Variants in FANCD2 observed in about 807,000 individuals in gnomAD.
FANCD2 encodes the protein Fanconi anemia group D2 protein.
A neutral mutation model predicts 192.3 loss-of-function variants in FANCD2; 131 were observed. That is an observed-to-expected ratio of 0.68 (90% confidence interval 0.59 to 0.79). The LOEUF is 0.79. Ranked by LOEUF, FANCD2 falls within the 30% of genes least tolerant of loss-of-function variation. The pLI, the probability that FANCD2 is intolerant of heterozygous loss-of-function variation, is 0.00. For synonymous variants in FANCD2, 524 were observed against 612.5 expected (o/e 0.86, Z 2.13); for missense variants, 1,508 against 1,701.6 (o/e 0.89, Z 2.00).
At chr3:10,086,617 G>A (rs1559403223) in intron 33 of FANCD2, among the ~76,000 whole-genome samples, 1 of 152,102 alleles carries the variant, frequency 6.6e-6, no homozygotes, top group Non-Finnish European at 1.5e-5. Flanking sequence ...AAGACGCTGG[G>A]ATTACAGGCG....
At chr3:10,069,459 G>GGCTCCCCCCCC in intron 26 of FANCD2, among the ~76,000 whole-genome samples, 1 of 129,432 alleles carries the variant, frequency 7.7e-6, no homozygotes, top group Non-Finnish European at 1.5e-5. Context: ...TAGTTAAGAT[G>GGCTCCCCCCCC]CCTCTCCCCC....
At chr3:10,054,308 A>G (rs2087308383) in intron 18 of FANCD2, among the ~76,000 whole-genome samples, 1 of 147,066 alleles carries the variant, frequency 6.8e-6, no homozygotes, top group African/African-American at 2.5e-5. Context: ...GCAGTAATTC[A>G]TACTGGACTG....
intron 10 of FANCD2, among the ~76,000 whole-genome samples, chr3:10,042,317 T>A (rs2086886128): frequency 6.6e-6 from 1 of 152,220 alleles, no homozygotes; most frequent in Non-Finnish European, 1.5e-5. Context: ...GAATTTAGGC[T>A]CTAAATGTAA....
Position 10,101,224 on chromosome 3 carries a change from G to A in FANCD2, c.4318G>A (p.Glu1440Lys). The A allele has an allele frequency of 6.2e-7, 1 of 1,613,530 alleles. No homozygotes were observed. Among genetic ancestry groups the A allele is most frequent in the Non-Finnish European group, 8.5e-7 (1 of 1,179,556 alleles). The part of the protein sequence containing the change: ...EEDEVSAGEK[E>K]QDSDESYDDS... ...AGACGAAGTAAGTGCTGGAGAAAAG[G>A]AGCAAGATAGTGATGAGAGTTATGA... is the stretch of plus-strand genomic sequence containing the variant. The change falls in exon 44 of 44, where the codon GAG (glutamate) becomes AAG (lysine). Residue 1440 changes from glutamate (E) to lysine (K), a missense_variant. Transcript: ENST00000675286.
Position 10,052,439 on chromosome 3 carries a change from T to C in FANCD2, c.1598T>C (p.Phe533Ser), listed in dbSNP as rs772163949. ...TCCCCTCAGCAAATACGAAAACTCT[T>C]CTATGTTCTCAGCACACTGGCATTT... Reference protein sequence around the residue: ...NISPQQIRKLFYVLSTLAFSK... With the variant: ...NISPQQIRKLSYVLSTLAFSK... The change falls in exon 18 of 44, where the codon TTC becomes TCC. Residue 533 changes from phenylalanine to serine, a missense_variant. Phe to Ser is a radical substitution (Grantham distance 155). Coordinates refer to ENST00000675286, the MANE Select transcript of FANCD2 (RefSeq NM_001018115.3). 2 of 1,613,164 alleles carry C rather than the reference T, an allele frequency of 1.2e-6. No individual in the cohort carries two copies. Among genetic ancestry groups the C allele is most frequent in the South Asian group, 2.2e-5 (2 of 91,026 alleles).
intron 17 of FANCD2, among the ~76,000 whole-genome samples, chr3:10,050,647 T>G (rs2087174340): frequency 6.8e-6 from 1 of 146,492 alleles, no homozygotes; most frequent in Non-Finnish European, 1.5e-5. Context: ...AAAAAAAGGC[T>G]TAGAAGAGCA....
chr3:10,084,866 A>G (rs571574759), intron 32 of FANCD2, among the ~76,000 whole-genome samples: 1 of 152,326 alleles, frequency 6.6e-6, no homozygotes, highest in Admixed American at 6.5e-5. Flanking sequence ...CCATAATACA[A>G]TGAAAGCAGT....
At chr3:10,084,421 T>G (rs573608049) in intron 32 of FANCD2, among the ~76,000 whole-genome samples, 3 of 151,614 alleles carry the variant, frequency 2.0e-5, no homozygotes, top group African/African-American at 4.8e-5. Flanking sequence ...TCCCAAGCAG[T>G]TGGGACTGCA....
At chr3:10,033,847 G>A (rs187491254) in intron 3 of FANCD2, among the ~76,000 whole-genome samples, 18 of 151,160 alleles carry the variant, frequency 1.2e-4, no homozygotes, top group Admixed American at 3.3e-4. Flanking sequence ...ACAGGCGCCC[G>A]CCACCATGCC....
chr3:10,094,256 A>T, intron 39 of FANCD2, 33 bp from the exon 40 acceptor site: 2 of 1,533,604 alleles, frequency 1.3e-6, no homozygotes, highest in Non-Finnish European at 1.8e-6. Context: ...GAGATACCTC[A>T]GCTAGAGGTA....
At chr3:10,077,885 G>A (rs1403812664) in intron 29 of FANCD2, among the ~76,000 whole-genome samples, 196 bp from the exon 30 acceptor site, 1 of 151,856 alleles carries the variant, frequency 6.6e-6, no homozygotes, top group Non-Finnish European at 1.5e-5. Flanking sequence ...AAAAAAAAAT[G>A]TAGCTGGGCA....
In FANCD2 at chr3:10,060,391, T is replaced by C. The variant is rs1438401619; in HGVS notation, c.1754T>C (p.Met585Thr). 2 of 1,613,650 alleles carry C rather than the reference T, an allele frequency of 1.2e-6. No homozygotes were observed. The highest frequency in any genetic ancestry group is 3.3e-5 in the Admixed American group (2 of 60,006). ...GGTGCTGTGACCATGGCTGGCATCA[T>C]GGCGGCAGACAGGTACACGTGGAGA... ...IIGAVTMAGI[M>T]AADRSESPSL... Residue 585 changes from methionine to threonine, a missense_variant, in exon 19 of 44, where the codon ATG becomes ACG. Transcript: ENST00000675286.
In FANCD2 at chr3:10,092,076, A is replaced by C. The variant is rs1694644988; in HGVS notation, c.3778-105A>C. The C allele has an allele frequency of 4.5e-6, 4 of 881,224 alleles. No individual in the cohort carries two copies. In the Admixed American group the frequency reaches 5.1e-5, roughly 11 times the overall value. 54.6% of individuals were successfully genotyped at this position (881,224 alleles called of 1,614,324 possible). A position where few individuals can be genotyped will look rare whatever the true frequency, so the allele number is the denominator to read the frequency against. On this transcript the variant is annotated intron_variant, in intron 37 of 43. Transcript: ENST00000675286. ...GCTACATCTAAGGATAATTGGCTTAAATATCTGTATAGCTATGTAATTCAA... is the reference window on the plus strand; with the variant it reads ...GCTACATCTAAGGATAATTGGCTTACATATCTGTATAGCTATGTAATTCAA...
At chr3:10,065,577 G>A (rs34366572) in intron 24 of FANCD2, 83 bp downstream of exon 24, 9 of 938,358 alleles carry the variant, frequency 9.6e-6, no homozygotes, top group East Asian at 7.2e-5. Context: ...AATACATGGT[G>A]TATGTGGGGA....
intron 2 of FANCD2, 121 bp downstream of exon 2, chr3:10,028,842 G>T: frequency 2.3e-6 from 2 of 879,376 alleles, no homozygotes; most frequent in Non-Finnish European, 3.8e-6. Context: ...GGAGTGCACA[G>T]AATTAAGGGA....
chr3:10,034,398 G>T (rs1198364337), intron 3 of FANCD2, 71 bp from the exon 4 acceptor site: 3 of 975,120 alleles, frequency 3.1e-6, no homozygotes, highest in Non-Finnish European at 5.0e-6. Context: ...CATCAGGCAA[G>T]AAACTTGGGT....
In FANCD2 at chr3:10,028,648, A is replaced by G. The variant is rs954835992; in HGVS notation, c.-10A>G. 3.1e-6 allele frequency: 5 copies of G among 1,613,614 alleles called. No individual in the cohort carries two copies. In the East Asian group the frequency reaches 8.9e-5, roughly 29 times the overall value. On this transcript the variant is annotated 5_prime_UTR_variant, in exon 2 of 44. Transcript: ENST00000675286. Reference sequence around the variant, plus strand: ...AGGAAGTAATTTAAGTGCACAAGACATTGGTCAAAATGGTTTCCAAAAGAA... The same window carrying G: ...AGGAAGTAATTTAAGTGCACAAGACGTTGGTCAAAATGGTTTCCAAAAGAA...
At position 10,101,761 on chromosome 3, in the gene FANCD2, A is replaced by G; in HGVS notation, c.*499A>G. ...CTAACACCATCACAGTCCCTGGCTCAGGATTCTAATGTAGCATTATTTATT... is the reference window on the plus strand; with the variant it reads ...CTAACACCATCACAGTCCCTGGCTCGGGATTCTAATGTAGCATTATTTATT... On this transcript the variant is annotated 3_prime_UTR_variant, in exon 44 of 44. Coordinates refer to ENST00000675286, the MANE Select transcript of FANCD2 (RefSeq NM_001018115.3). 4.7e-6 allele frequency: 1 copy of G among 212,528 alleles called. No homozygotes were observed. Among genetic ancestry groups the G allele is most frequent in the Non-Finnish European group, 9.6e-6 (1 of 103,698 alleles). The allele number at this position is 212,528 out of a possible 1,614,324, so 13.2% of individuals were successfully genotyped here.
chr3:10,047,697 A>C (rs577192816), intron 15 of FANCD2, among the ~76,000 whole-genome samples: 1 of 152,402 alleles, frequency 6.6e-6, no homozygotes, highest in East Asian at 1.9e-4. Context: ...CTTTGAGCTT[A>C]AAAGTCAATT....
Sources: gnomAD v4.1 joint callset for allele counts (sites outside exome capture counted in the v4.1 genomes callset) on GRCh38, gnomAD v4.1.1 for gene constraint, MANE v1.5 for transcripts, NCBI Gene and HGNC (gene_info 2026-07-23, HGNC 2026-07-21) for gene names.